CCDC183: variants seen among roughly 807,000 people sequenced by gnomAD.
CCDC183 encodes the protein coiled-coil domain-containing protein 183.
In CCDC183, 63 loss-of-function variants were observed where a neutral mutation model predicts 65.2. The ratio of observed to expected loss-of-function variants is 0.97; its 90% CI spans 0.79 to 1.19. The LOEUF is 1.19. Among genes scored for constraint, CCDC183 ranks in the 50% most tolerant of loss-of-function variants. The probability of loss-of-function intolerance (pLI) is 0.00; values close to 1 mark genes in which losing one functional copy is unlikely to be tolerated. For missense variants in CCDC183, 769 were observed against 689.3 expected (o/e 1.12, Z -1.30); for synonymous variants, 323 against 276.5 (o/e 1.17, Z -1.67).
Position 136,806,218 on chromosome 9 carries a change from C to A in CCDC183, c.1089C>A (p.Arg363=). Residue 363 remains arginine (R), a synonymous_variant, in exon 10 of 14, where the codon CGC becomes CGA. Transcript: ENST00000338005. ...LELEEAVLKF[R]QKPSSISFKS... is the part of the protein sequence containing the mutation. ...TGGAGGAGGCCGTGCTCAAGTTCCGCCAGAAGCCTAGCTCCATCAGGTGCC... is the reference window on the plus strand; with the variant it reads ...TGGAGGAGGCCGTGCTCAAGTTCCGACAGAAGCCTAGCTCCATCAGGTGCC... 1 of 1,590,766 alleles carries A rather than the reference C, an allele frequency of 6.3e-7. No homozygotes were observed. The highest frequency in any genetic ancestry group is 2.3e-5 in the East Asian group (1 of 43,450).
intron 5 of CCDC183, among the ~76,000 whole-genome samples, chr9:136,801,668 C>T (rs1341810069): frequency 1.3e-5 from 2 of 152,016 alleles, no homozygotes; most frequent in African/African-American, 4.8e-5. Flanking sequence ...ATCGTACCAT[C>T]GCACTCCAGC....
chr9:136,805,347 G>A lies in CCDC183; in HGVS notation c.848-10G>A, dbSNP rs768776594. 11 of 1,609,604 alleles carry A rather than the reference G, an allele frequency of 6.8e-6. No individual in the cohort carries two copies. Among genetic ancestry groups the A allele is most frequent in the East Asian group, 4.5e-5 (2 of 44,792 alleles). On this transcript the variant is annotated splice_polypyrimidine_tract_variant and intron_variant, in intron 8 of 13. Transcript: ENST00000338005. ...TGCATGCTGACTGCCCCTCCCCTCT[G>A]CTCTGCCAGTGAGGAGAAAAGAGAC...
rs1183468276 is a variant in CCDC183, at chr9:136,806,249, C to T, written c.1109+11C>T. On this transcript the variant is annotated intron_variant, in intron 10 of 13. Transcript: ENST00000338005. ...GCCTAGCTCCATCAGGTGCCCCGGG[C>T]TTCCGGGGCTGCGGGCCACCCACCC... The T allele has an allele frequency of 6.3e-6, 10 of 1,584,222 alleles. No individual in the cohort carries two copies. The highest frequency in any genetic ancestry group is 8.6e-6 in the Non-Finnish European group (10 of 1,165,198).
chr9:136,807,088 C>CG (rs1564353342), intron 13 of CCDC183, 22 bp downstream of exon 13: 10 of 1,610,678 alleles, frequency 6.2e-6, no homozygotes, highest in Non-Finnish European at 8.5e-6. Flanking sequence ...GGAACTGGGG[C>CG]CCGGGCTGCA....
At position 136,800,442 on chromosome 9, in the gene CCDC183, C is replaced by A. The variant is rs758909753; in HGVS notation, c.492C>A (p.Thr164=). The stretch of plus-strand genomic sequence containing the variant: ...AGAAGACAATGATCAAGATCATCAC[C>A]AGCCAGAACATCCACCTGCTGTATT... The part of the protein sequence containing the change: ...NIEKTMIKII[T]SQNIHLLYLD... Residue 164 remains threonine (T), a synonymous_variant, in exon 5 of 14, where the codon ACC becomes ACA. Transcript: ENST00000338005. 4 of 1,613,146 alleles carry A rather than the reference C, an allele frequency of 2.5e-6. No individual in the cohort carries two copies. In the East Asian group the frequency reaches 6.7e-5, roughly 27 times the overall value.
At chr9:136,798,669 C>T (rs936116811) in intron 1 of CCDC183, among the ~76,000 whole-genome samples, 1 of 152,154 alleles carries the variant, frequency 6.6e-6, no homozygotes, top group African/African-American at 2.4e-5. Context: ...CTGCCCACTC[C>T]CTGACAGAGC....
rs1847805716 is a variant in CCDC183 at position 136,804,430 on chromosome 9, C to T, written c.667-72C>T. On this transcript the variant is annotated intron_variant, in intron 6 of 13. Coordinates refer to ENST00000338005, the MANE Select transcript of CCDC183 (RefSeq NM_001039374.5). This position sits in a 1 kb window ranked among gnomAD's most constrained non-coding sequence, Gnocchi z 4.1. Reference sequence around the variant, plus strand: ...AGTAAGGTGAGCATGGCCAACCGCCCGCTGGCTTTACTGCCATTAGGGGCC... The same window carrying T: ...AGTAAGGTGAGCATGGCCAACCGCCTGCTGGCTTTACTGCCATTAGGGGCC... The T allele has an allele frequency of 2.6e-6, 4 of 1,541,834 alleles. No individual in the cohort carries two copies. Among genetic ancestry groups the T allele is most frequent in the Non-Finnish European group, 3.5e-6 (4 of 1,144,578 alleles).
rs528487631 is a variant in CCDC183 at position 136,804,456 on chromosome 9, T to C, written c.667-46T>C. Reference sequence around the variant, plus strand: ...GCTGGCTTTACTGCCATTAGGGGCCTTGTTGAGACAGCTCCCCAACCCTGT... The same window carrying C: ...GCTGGCTTTACTGCCATTAGGGGCCCTGTTGAGACAGCTCCCCAACCCTGT... On this transcript the variant is annotated intron_variant, in intron 6 of 13. Coordinates refer to ENST00000338005, the MANE Select transcript of CCDC183 (RefSeq NM_001039374.5). This position sits in a 1 kb window ranked among gnomAD's most constrained non-coding sequence, Gnocchi z 4.1. 3.2e-5 allele frequency: 51 copies of C among 1,591,788 alleles called. No individual in the cohort carries two copies. The Admixed American group carries it at 5.6e-4, about 17-fold the overall frequency.
intron 9 of CCDC183, 54 bp from the exon 10 acceptor site, chr9:136,806,024 C>T: frequency 6.8e-7 from 1 of 1,469,084 alleles, no homozygotes; most frequent in Non-Finnish European, 9.2e-7. Flanking sequence ...TGTGAAGCCC[C>T]CTCTGCCCAC....
At chr9:136,800,711 A>G (rs1847725891) in intron 5 of CCDC183, 2 of 562,062 alleles carry the variant, frequency 3.6e-6, no homozygotes, top group Admixed American at 6.3e-5. Flanking sequence ...AATTCTTCGG[A>G]CTTTCTTGCA....
rs376991234 is a variant in CCDC183, at chr9:136,799,985, T to C, written c.271-17T>C. On this transcript the variant is annotated splice_polypyrimidine_tract_variant and intron_variant, in intron 3 of 13. Coordinates refer to ENST00000338005, the MANE Select transcript of CCDC183 (RefSeq NM_001039374.5). ...CCCCTACGCAACCACGAGTGGGCGG[T>C]GCCCTTCCCGACCCAGGTGGTGCGG... 7 of 1,575,748 alleles carry C rather than the reference T, an allele frequency of 4.4e-6. No homozygotes were observed. In the African/African-American group the frequency reaches 9.4e-5, roughly 21 times the overall value.
At chr9:136,799,526 CT>C in intron 2 of CCDC183, 186 bp from the exon 3 acceptor site, 2 of 679,462 alleles carry the variant, frequency 2.9e-6, no homozygotes, top group South Asian at 1.9e-5. Flanking sequence ...GCATACCCCC[CT>C]ACCACGTCGC....
At chr9:136,801,441 C>T (rs558738531) in intron 5 of CCDC183, among the ~76,000 whole-genome samples, 2 of 152,194 alleles carry the variant, frequency 1.3e-5, no homozygotes, top group East Asian at 1.9e-4. Flanking sequence ...CATGGTGGCT[C>T]ATGCCTGTAA....
In CCDC183 at chr9:136,802,653, A is replaced by G; in HGVS notation, c.544-11A>G. On this transcript the variant is annotated splice_polypyrimidine_tract_variant and intron_variant, in intron 5 of 13. Transcript: ENST00000338005. Reference sequence around the variant, plus strand: ...TCTGTAGGGGCCACAAGAGAACCCCATTCAACACAGGTGCTGGCAGGATAC... The same window carrying G: ...TCTGTAGGGGCCACAAGAGAACCCCGTTCAACACAGGTGCTGGCAGGATAC... 1.2e-6 allele frequency: 2 copies of G among 1,605,286 alleles called. No individual in the cohort carries two copies. Among genetic ancestry groups the G allele is most frequent in the African/African-American group, 1.3e-5 (1 of 74,690 alleles).
intron 5 of CCDC183, chr9:136,800,800 C>A: frequency 3.0e-6 from 1 of 328,196 alleles, no homozygotes; most frequent in Non-Finnish European, 5.7e-6. Context: ...CAGACAGGTC[C>A]TGCACCCTCA....
In CCDC183 at chr9:136,807,555, G is replaced by C. The variant is rs1248205228; in HGVS notation, c.1487-17G>C. ...GCTGGGCTAGCCCCGTGTGCGAGCC[G>C]CCGCCTCCGCCCGCAGACACCTTCC... On this transcript the variant is annotated splice_polypyrimidine_tract_variant and intron_variant, in intron 13 of 13. Coordinates refer to ENST00000338005, the MANE Select transcript of CCDC183 (RefSeq NM_001039374.5). 2 of 1,584,394 alleles carry C rather than the reference G, an allele frequency of 1.3e-6. No homozygotes were observed. The highest frequency in any genetic ancestry group is 1.4e-5 in the African/African-American group (1 of 73,646).
Position 136,807,077 on chromosome 9 carries a change from C to G in CCDC183, c.1486+11C>G. 1.2e-6 allele frequency: 2 copies of G among 1,612,154 alleles called. 1 individual carries two copies. Among genetic ancestry groups the G allele is most frequent in the East Asian group, 4.5e-5 (2 of 44,854 alleles). On this transcript the variant is annotated intron_variant, in intron 13 of 13. Transcript: ENST00000338005. The stretch of plus-strand genomic sequence containing the variant: ...AGGAGGATATGATCGGTACAGGCCC[C>G]GGAACTGGGGCCCGGGCTGCAGGCG...
rs1281962452 is a variant in CCDC183, at chr9:136,802,727, G to C, written c.607G>C (p.Glu203Gln). Reference sequence around the variant, plus strand: ...GAACCTCGTGGTCAACTACTGCTCAGAGCTGTCGGATATGAAGATCATGTC... The same window carrying C: ...GAACCTCGTGGTCAACTACTGCTCACAGCTGTCGGATATGAAGATCATGTC... ...LQNLVVNYCS[E>Q]LSDMKIMSQD... is the part of the protein sequence containing the mutation. Residue 203 changes from glutamate to glutamine, a missense_variant, in exon 6 of 14, where the codon GAG becomes CAG. Coordinates refer to ENST00000338005, the MANE Select transcript of CCDC183 (RefSeq NM_001039374.5). 1.2e-6 allele frequency: 2 copies of C among 1,613,462 alleles called. No homozygotes were observed. Among genetic ancestry groups the C allele is most frequent in the African/African-American group, 2.7e-5 (2 of 74,950 alleles).
At chr9:136,799,648 TG>T in intron 2 of CCDC183, 64 bp from the exon 3 acceptor site, 1 of 1,419,342 alleles carries the variant, frequency 7.0e-7, no homozygotes, top group Non-Finnish European at 9.9e-7. Flanking sequence ...GGAGAATGCC[TG>T]GAGGAGCCAG....
Sources: gnomAD v4.1 joint callset for allele counts (sites outside exome capture counted in the v4.1 genomes callset) on GRCh38, gnomAD v4.1.1 for gene constraint, Gnocchi (gnomAD v3.1) non-coding constraint, MANE v1.5 for transcripts, NCBI Gene and HGNC (gene_info 2026-07-23, HGNC 2026-07-21) for gene names.